SHISA9: variants seen among roughly 807,000 people sequenced by gnomAD.
SHISA9 encodes the protein shisa family member 9, also known as protein shisa-9.
A neutral mutation model predicts 38.0 loss-of-function variants in SHISA9; 13 were observed. The ratio of observed to expected loss-of-function variants is 0.34; its 90% CI spans 0.22 to 0.54. SHISA9 has a LOEUF of 0.54. Among genes scored for constraint, SHISA9 ranks in the 20% least tolerant of loss-of-function variants. SHISA9 has a pLI of 0.91. For synonymous variants in SHISA9, 275 were observed against 242.0 expected (o/e 1.14, Z -1.27); for missense variants, 538 against 575.8 (o/e 0.93, Z 0.67).
chr16:12,965,491 G>C (rs935388467), intron 2 of SHISA9, among the ~76,000 whole-genome samples: 5 of 152,190 alleles, frequency 3.3e-5, no homozygotes, highest in Admixed American at 2.6e-4. Flanking sequence ...CACTCTACCA[G>C]TTCTGGAGAT....
chr16:13,265,213 C>G, the SHISA9 span, among the ~76,000 whole-genome samples: 2 of 111,574 alleles, frequency 1.8e-5, no homozygotes, highest in African/African-American at 7.0e-5. Flanking sequence ...CCCTCCACTT[C>G]TGTTCCCTTC....
chr16:13,516,321 T>C, the SHISA9 span, among the ~76,000 whole-genome samples: 1 of 152,228 alleles, frequency 6.6e-6, no homozygotes, highest in East Asian at 1.9e-4. Flanking sequence ...ATAATCACCC[T>C]GGACCTAGAA....
chr16:13,109,196 G>T lies in SHISA9; in HGVS notation c.692-94198G>T, dbSNP rs143148322. On this transcript the variant is annotated intron_variant, in intron 2 of 4. Transcript: ENST00000558583. ...TATGTGCCATCATGCTTGGCTAATT[G>T]TTCTATTTTTTTGTAGGGATGGGTT... is the stretch of plus-strand genomic sequence containing the variant. Among the ~76,000 whole-genome samples, 441 of 152,122 alleles carry T rather than the reference G, an allele frequency of 2.9e-3. 1 individual carries two copies. Among genetic ancestry groups the T allele is most frequent in the African/African-American group, 0.01 (423 of 41,510 alleles).
chr16:13,486,969 G>T, the SHISA9 span, among the ~76,000 whole-genome samples: 1 of 152,184 alleles, frequency 6.6e-6, no homozygotes, highest in Non-Finnish European at 1.5e-5. Context: ...CTCCCAAAGT[G>T]CTGGGATTAC....
At chr16:13,259,733 C>G in the SHISA9 span, among the ~76,000 whole-genome samples, 1 of 152,154 alleles carries the variant, frequency 6.6e-6, no homozygotes, top group Non-Finnish European at 1.5e-5. Context: ...GTATGTTGGC[C>G]CCATTCAGCC....
At chr16:13,481,515 C>A in the SHISA9 span, among the ~76,000 whole-genome samples, 1 of 152,324 alleles carries the variant, frequency 6.6e-6, no homozygotes, top group East Asian at 1.9e-4. Flanking sequence ...TCTGCTTCCA[C>A]CACAGCCTCC....
chr16:13,557,981 A>G, the SHISA9 span, among the ~76,000 whole-genome samples: 1 of 152,188 alleles, frequency 6.6e-6, no homozygotes, highest in East Asian at 1.9e-4. Flanking sequence ...CGATCACCTG[A>G]TACTAGTAAT....
the SHISA9 span, among the ~76,000 whole-genome samples, chr16:13,339,650 GA>G: frequency 8.6e-5 from 13 of 151,722 alleles, no homozygotes; most frequent in South Asian, 2.1e-4. Context: ...GAGGTGTGGA[GA>G]AAAAAAAGGG....
At chr16:13,357,138 G>A in the SHISA9 span, among the ~76,000 whole-genome samples, 2 of 151,806 alleles carry the variant, frequency 1.3e-5, no homozygotes, top group Non-Finnish European at 2.9e-5. Flanking sequence ...GTTGGGGCAC[G>A]GAAATAAGGG....
At chr16:13,492,041 T>C in the SHISA9 span, among the ~76,000 whole-genome samples, 6 of 151,496 alleles carry the variant, frequency 4.0e-5, no homozygotes, top group Non-Finnish European at 5.9e-5. Context: ...TGTTTTAGAT[T>C]CCAGACCCCA....
rs555645808 is a variant in SHISA9 at position 12,902,670 on chromosome 16, C to G, written c.563+43C>G. Reference sequence around the variant, plus strand: ...CGCCCTCCCCTCGGGGCTTCGCTCTCCCTGCTCTCTCCTCCCCACCTTCCC... The same window carrying G: ...CGCCCTCCCCTCGGGGCTTCGCTCTGCCTGCTCTCTCCTCCCCACCTTCCC... On this transcript the variant is annotated intron_variant, in intron 1 of 4. Coordinates refer to ENST00000558583, the MANE Select transcript of SHISA9 (RefSeq NM_001145204.3). 6 of 1,487,472 alleles carry G rather than the reference C, an allele frequency of 4.0e-6. No individual in the cohort carries two copies. The East Asian group carries it at 1.2e-4, about 31-fold the overall frequency. 92.1% of individuals were successfully genotyped at this position (1,487,472 alleles called of 1,614,324 possible).
At chr16:13,142,835 G>T (rs1596677951) in intron 2 of SHISA9, among the ~76,000 whole-genome samples, 2 of 152,120 alleles carry the variant, frequency 1.3e-5, no homozygotes, top group African/African-American at 4.8e-5. Flanking sequence ...TTTTAGAGGG[G>T]ACATGATTCA....
chr16:13,075,740 A>T (rs1166782891), intron 2 of SHISA9, among the ~76,000 whole-genome samples: 1 of 152,194 alleles, frequency 6.6e-6, no homozygotes, highest in African/African-American at 2.4e-5. Flanking sequence ...TTTAGAGAAG[A>T]TGAAGTAGGC....
intron 2 of SHISA9, among the ~76,000 whole-genome samples, chr16:12,966,998 T>G (rs1000209534): frequency 5.9e-5 from 9 of 152,110 alleles, no homozygotes; most frequent in African/African-American, 2.2e-4. Flanking sequence ...CAGAAATGAA[T>G]AAGACATGGT....
At chr16:12,964,707 CACAATTCAAGATCGTGACAGGGAATGTAG>C (rs2071955460) in intron 2 of SHISA9, among the ~76,000 whole-genome samples, 1 of 152,116 alleles carries the variant, frequency 6.6e-6, no homozygotes, top group Non-Finnish European at 1.5e-5. Context: ...AGCAGATCAA[CACAATTCAAGATCGTGACAGGGAATGTAG>C]GGAATTCCTA....
At chr16:13,426,101 G>A in the SHISA9 span, among the ~76,000 whole-genome samples, 5 of 152,080 alleles carry the variant, frequency 3.3e-5, no homozygotes, top group Non-Finnish European at 1.5e-5. Context: ...TTTGTAATAG[G>A]AACTTCACAG....
chr16:13,386,825 T>C, the SHISA9 span, among the ~76,000 whole-genome samples: 1 of 152,242 alleles, frequency 6.6e-6, no homozygotes, highest in Non-Finnish European at 1.5e-5. Context: ...AATTGCTGCA[T>C]AGTATTCCAT....
chr16:13,481,402 C>A, the SHISA9 span, among the ~76,000 whole-genome samples: 1 of 152,210 alleles, frequency 6.6e-6, no homozygotes, highest in Non-Finnish European at 1.5e-5. Context: ...GCAAACGTTA[C>A]AACGTACTCC....
intron 1 of SHISA9, among the ~76,000 whole-genome samples, chr16:12,915,110 C>G (rs1007917243): frequency 6.6e-6 from 1 of 152,172 alleles, no homozygotes; most frequent in Non-Finnish European, 1.5e-5. Flanking sequence ...CACGGCAATT[C>G]TACTTGTGGG....
Sources: allele counts gnomAD v4.1 joint callset (sites outside exome capture counted in the v4.1 genomes callset), GRCh38; gene constraint gnomAD v4.1.1; transcripts MANE v1.5; gene names NCBI Gene and HGNC (gene_info 2026-07-23, HGNC 2026-07-21).